DHTKD1: variants seen among roughly 807,000 people sequenced by gnomAD.
DHTKD1 encodes the protein 2-oxoadipate dehydrogenase complex component E1.
In DHTKD1, 78 loss-of-function variants were observed where a neutral mutation model predicts 101.8. That is an observed-to-expected ratio of 0.77 (90% CI 0.64 to 0.93). The LOEUF is 0.93. Ranked by LOEUF, DHTKD1 falls within the 40% of genes least tolerant of loss-of-function variation. DHTKD1 has a pLI of 0.00. For missense variants in DHTKD1, 1,223 were observed against 1,161.7 expected, an observed-to-expected ratio of 1.05 and a Z score of -0.77; for synonymous variants, 462 against 450.3, an observed-to-expected ratio of 1.03 and a Z score of -0.33.
rs889263418 is a variant in DHTKD1 at position 12,107,327 on chromosome 10, T to C, written c.2048-582T>C. On this transcript the variant is annotated intron_variant, in intron 11 of 16. Transcript: ENST00000263035. This position sits in a 1 kb window ranked among gnomAD's most constrained non-coding sequence, Gnocchi z 4.1. ...TGTAAGAGTGGTGCCTGCGGTGGTATTGGAGCGGCATGTGCTGTCCAGGAA... is the reference window on the plus strand; with the variant it reads ...TGTAAGAGTGGTGCCTGCGGTGGTACTGGAGCGGCATGTGCTGTCCAGGAA... Among the ~76,000 whole-genome samples the C allele has an allele frequency of 2.6e-5, 4 of 151,836 alleles. No individual in the cohort carries two copies. The highest frequency in any genetic ancestry group is 3.9e-4 in the East Asian group (2 of 5,126).
intron 13 of DHTKD1, among the ~76,000 whole-genome samples, chr10:12,114,987 G>A (rs1833393188): frequency 6.6e-6 from 1 of 152,104 alleles, no homozygotes; most frequent in African/African-American, 2.4e-5. Context: ...AGTGGAGACA[G>A]GGTTTCACTG....
At chr10:12,101,005 T>G in intron 9 of DHTKD1, 37 bp from the exon 10 acceptor site, 1 of 1,609,744 alleles carries the variant, frequency 6.2e-7, no homozygotes, top group Non-Finnish European at 8.5e-7. Flanking sequence ...TTAGGTTATT[T>G]ATGGGAATCT....
At position 12,068,957 on chromosome 10, in the gene DHTKD1, G is replaced by C; in HGVS notation, c.-77G>C. 1 of 1,555,414 alleles carries C rather than the reference G, an allele frequency of 6.4e-7. No homozygotes were observed. ...GGGCGGGGCTCCGGCCGCCTCTGAC[G>C]AGTCCCGGATTTACCAGGGCCGGTG... On this transcript the variant is annotated 5_prime_UTR_variant, in exon 1 of 17. Coordinates refer to ENST00000263035, the MANE Select transcript of DHTKD1 (RefSeq NM_018706.7).
At chr10:12,116,511 C>G (rs1833419889) in intron 13 of DHTKD1, 1 of 151,880 alleles carries the variant, frequency 6.6e-6, no homozygotes, top group African/African-American at 2.4e-5. Flanking sequence ...GTGTCTCACT[C>G]TCCCCAGTAG....
chr10:12,086,783 T>C (rs1212389400), intron 3 of DHTKD1, among the ~76,000 whole-genome samples: 1 of 151,830 alleles, frequency 6.6e-6, no homozygotes, highest in Non-Finnish European at 1.5e-5. Flanking sequence ...CTCCGCCTCC[T>C]GGACTCAAGC....
chr10:12,075,052 A>G (rs1432954404), intron 1 of DHTKD1, among the ~76,000 whole-genome samples: 1 of 152,162 alleles, frequency 6.6e-6, no homozygotes, highest in African/African-American at 2.4e-5. Context: ...TAGACATTGC[A>G]GTGAGCCGAG....
At chr10:12,076,475 CA>C (rs369767715) in intron 1 of DHTKD1, among the ~76,000 whole-genome samples, 2,476 of 149,076 alleles carry the variant, frequency 0.017, 66 homozygotes, top group African/African-American at 0.058. Flanking sequence ...GACTCTGTCT[CA>C]AAAAAAAAGA....
intron 6 of DHTKD1, 60 bp downstream of exon 6, chr10:12,091,744 C>T (rs1385794708): frequency 4.2e-6 from 6 of 1,442,310 alleles, no homozygotes; most frequent in African/African-American, 2.8e-5. Context: ...CTAGGGAAAC[C>T]TCTGGTGCAC....
intron 10 of DHTKD1, among the ~76,000 whole-genome samples, chr10:12,102,913 C>G (rs1474597462): frequency 3.3e-5 from 5 of 152,030 alleles, no homozygotes; most frequent in Admixed American, 3.3e-4. Context: ...AACCACCACG[C>G]CTGGCCGAAG....
chr10:12,106,179 T>A, intron 10 of DHTKD1, 67 bp from the exon 11 acceptor site: 1 of 1,557,152 alleles, frequency 6.4e-7, no homozygotes, highest in Non-Finnish European at 8.8e-7. Context: ...CTTCGATAAG[T>A]TCGCAGGAGC....
intron 1 of DHTKD1, among the ~76,000 whole-genome samples, chr10:12,079,088 TTATG>T (rs1322843653): frequency 6.6e-6 from 1 of 151,968 alleles, no homozygotes; most frequent in African/African-American, 2.4e-5. Context: ...TACCAATATT[TTATG>T]TATTTTATTT....
intron 6 of DHTKD1, 42 bp downstream of exon 6, chr10:12,091,726 T>A (rs371139215): frequency 1.3e-6 from 2 of 1,591,000 alleles, no homozygotes; most frequent in African/African-American, 2.7e-5. Context: ...GAAGCCGACA[T>A]GGAATTCCTA....
Position 12,094,084 on chromosome 10 carries a change from G to A in DHTKD1, c.1171G>A (p.Gly391Ser), listed in dbSNP as rs1833031993. Residue 391 changes from glycine to serine, a missense_variant, in exon 7 of 17, where the codon GGC becomes AGC. Coordinates refer to ENST00000263035, the MANE Select transcript of DHTKD1 (RefSeq NM_018706.7). ...LYCSDIGKLVGCAIIHVNGDS... is the reference protein window; with the variant it reads ...LYCSDIGKLVSCAIIHVNGDS... ...CTTCTGTCCTTCAGGGAAGCTTGTG[G>A]GCTGTGCCATCATCCATGTCAATGG... is the stretch of plus-strand genomic sequence containing the variant. 6.2e-7 allele frequency: 1 copy of A among 1,613,964 alleles called. No individual in the cohort carries two copies. Among genetic ancestry groups the A allele is most frequent in the Non-Finnish European group, 8.5e-7 (1 of 1,179,950 alleles).
rs574293544 is a variant in DHTKD1, at chr10:12,087,510, T to C, written c.523-25T>C. 1 of 1,553,078 alleles carries C rather than the reference T, an allele frequency of 6.4e-7. No homozygotes were observed. The highest frequency in any genetic ancestry group is 1.4e-5 in the African/African-American group (1 of 73,514). ...GAGAAGCTGGCTGTCTCCTGGCAGC[T>C]CACGTCTGACATGATGTTCTGCAGG... is the stretch of plus-strand genomic sequence containing the variant. On this transcript the variant is annotated intron_variant, in intron 3 of 16. Transcript: ENST00000263035. The surrounding 1 kb of genome is among the most constrained non-coding windows in gnomAD (Gnocchi z 5.2).
At position 12,077,862 on chromosome 10, in the gene DHTKD1, C is replaced by T. The variant is rs117834979; in HGVS notation, c.155-3610C>T. On this transcript the variant is annotated intron_variant, in intron 1 of 16. Transcript: ENST00000263035. ...TCATGAAACAGAGTGCCAGAGGTCT[C>T]GGTGGAAGGAGGTGGAGACAGAGAG... Among the ~76,000 whole-genome samples the T allele has an allele frequency of 9.9e-4, 150 of 151,094 alleles. 1 individual carries two copies. In the East Asian group the frequency reaches 0.016, roughly 16 times the overall value.
In DHTKD1 at chr10:12,100,247, T is replaced by G; in HGVS notation, c.1741T>G (p.Ser581Ala). The G allele has an allele frequency of 6.6e-7, 1 of 1,516,168 alleles. No individual in the cohort carries two copies. Among genetic ancestry groups the G allele is most frequent in the Middle Eastern group, 1.8e-4 (1 of 5,678 alleles). The allele number at this position is 1,516,168 out of a possible 1,614,324, so 93.9% of individuals were successfully genotyped here. ...WATAEALALG[S>A]LLAQGFNVRL... ...CACCGCGGAAGCTCTTGCCTTGGGT[T>G]CTTTACTTGCTCAAGGTAAGAATTT... The change falls in exon 9 of 17, where the codon TCT (serine) becomes GCT (alanine). Residue 581 changes from serine to alanine, a missense_variant. Coordinates refer to ENST00000263035, the MANE Select transcript of DHTKD1 (RefSeq NM_018706.7).
At chr10:12,099,085 G>A (rs1293010299) in intron 8 of DHTKD1, among the ~76,000 whole-genome samples, 1 of 151,912 alleles carries the variant, frequency 6.6e-6, no homozygotes, top group Non-Finnish European at 1.5e-5. Flanking sequence ...TGGGAGGATT[G>A]CTTGAGCCCA....
intron 1 of DHTKD1, among the ~76,000 whole-genome samples, chr10:12,077,298 G>A (rs2131348832): frequency 6.6e-6 from 1 of 151,930 alleles, no homozygotes; most frequent in East Asian, 1.9e-4. Context: ...CACAACCTCG[G>A]ATCACTGCAA....
intron 12 of DHTKD1, 33 bp downstream of exon 12, chr10:12,108,048 A>G (rs1833277022): frequency 6.5e-7 from 1 of 1,528,930 alleles, no homozygotes; most frequent in East Asian, 2.3e-5. Flanking sequence ...TCAATGAATC[A>G]TTTTCCTGCT....
Sources: gnomAD v4.1 joint callset for allele counts (sites outside exome capture counted in the v4.1 genomes callset) on GRCh38, gnomAD v4.1.1 for gene constraint, Gnocchi (gnomAD v3.1) non-coding constraint, MANE v1.5 for transcripts, NCBI Gene and HGNC (gene_info 2026-07-23, HGNC 2026-07-21) for gene names.